Variants in PDZD2 observed in about 807,000 individuals in gnomAD.
PDZD2 encodes the protein PDZ domain-containing protein 2.
PDZD2 carries 90 observed loss-of-function variants against 220.7 expected under a neutral mutation model. That is an observed-to-expected ratio of 0.41 (90% CI 0.34 to 0.49). PDZD2 has a LOEUF of 0.49. PDZD2 is among the 20% of genes least tolerant of loss of function. The pLI is 0.28. For synonymous variants in PDZD2, 1,375 were observed against 1,450.5 expected, an observed-to-expected ratio of 0.95 and a Z score of 1.18; for missense variants, 3,174 against 3,608.5, an observed-to-expected ratio of 0.88 and a Z score of 3.08.
intron 1 of PDZD2, among the ~76,000 whole-genome samples, chr5:31,733,875 G>C (rs1397844708): frequency 6.6e-6 from 1 of 152,170 alleles, no homozygotes; most frequent in Non-Finnish European, 1.5e-5. Context: ...GAATTCTCCA[G>C]TGGGCACCAA....
intron 1 of PDZD2, among the ~76,000 whole-genome samples, chr5:31,690,717 T>C (rs552567814): frequency 6.6e-6 from 1 of 152,304 alleles, no homozygotes; most frequent in South Asian, 2.1e-4. Context: ...TCATTGCATT[T>C]AGGGCCCGCC....
At chr5:32,059,506 C>A in intron 13 of PDZD2, 150 bp downstream of exon 13, 1 of 502,222 alleles carries the variant, frequency 2.0e-6, no homozygotes, top group Non-Finnish European at 3.5e-6. Flanking sequence ...TTAATAGCAT[C>A]TCCAAAAATG....
chr5:31,968,031 G>A (rs1054687701), intron 2 of PDZD2, among the ~76,000 whole-genome samples: 8 of 152,142 alleles, frequency 5.3e-5, no homozygotes, highest in African/African-American at 1.4e-4. Context: ...ACCCGGAATC[G>A]ACATATTGAA....
chr5:32,089,069 CTAA>C lies in PDZD2; in HGVS notation c.5623_5625del (p.Asn1875del), dbSNP rs780179211. The C allele has an allele frequency of 2.5e-6, 4 of 1,613,968 alleles. No individual in the cohort carries two copies. The East Asian group carries it at 8.9e-5, about 36-fold the overall frequency. On this transcript the variant is annotated inframe_deletion, in exon 20 of 25. Transcript: ENST00000438447. Reference sequence around the variant, plus strand: ...AAGAGTCCGGCAGAAATGCTTCTGACTAATGGTCAGAAGGCAAAGTGTGGTCCG... The same window carrying C: ...AAGAGTCCGGCAGAAATGCTTCTGACTGGTCAGAAGGCAAAGTGTGGTCCG...
At chr5:31,782,707 ATTTTTTTTTTT>A (rs34166035) in intron 1 of PDZD2, among the ~76,000 whole-genome samples, 1 of 96,522 alleles carries the variant, frequency 1.0e-5, no homozygotes, top group African/African-American at 4.1e-5. Context: ...ACCACTTTAG[ATTTTTTTTTTT>A]TTTTTTTTTT....
rs899620264 is a variant in PDZD2, at chr5:31,645,393, G to A, written c.-361+5956G>A. On this transcript the variant is annotated intron_variant, in intron 1 of 24. Transcript: ENST00000438447. The stretch of plus-strand genomic sequence containing the variant: ...GCTCTGTCGCCCTGCCTGGAGTGCA[G>A]TGGCGCGATCTTGGCTCACTGCAAC... Among the ~76,000 whole-genome samples the A allele has an allele frequency of 3.0e-4, 45 of 147,920 alleles. 1 individual carries two copies. Among genetic ancestry groups the A allele is most frequent in the Non-Finnish European group, 6.1e-4 (41 of 67,680 alleles).
intron 1 of PDZD2, among the ~76,000 whole-genome samples, chr5:31,787,965 C>T (rs934423438): frequency 5.9e-5 from 9 of 152,280 alleles, no homozygotes; most frequent in East Asian, 5.8e-4. Context: ...TCTAGCCTAG[C>T]GCAGTGCCTG....
At chr5:31,941,571 C>T (rs1746217386) in intron 2 of PDZD2, among the ~76,000 whole-genome samples, 1 of 152,184 alleles carries the variant, frequency 6.6e-6, no homozygotes, top group Non-Finnish European at 1.5e-5. Context: ...TTCAGTTTAT[C>T]CCTCAAGTGA....
chr5:32,090,615 A>G lies in PDZD2; in HGVS notation c.7167A>G (p.Ala2389=), dbSNP rs1376694228. The G allele has an allele frequency of 6.2e-7, 1 of 1,614,118 alleles. No individual in the cohort carries two copies. The highest frequency in any genetic ancestry group is 8.5e-7 in the Non-Finnish European group (1 of 1,180,016). The change falls in exon 20 of 25, where the codon GCA becomes GCG. Residue 2389 remains alanine (A), a synonymous_variant. Transcript: ENST00000438447. This position sits in a 1 kb window ranked among gnomAD's most constrained non-coding sequence, Gnocchi z 4.3. ...GCCTGGGCCACCCAGGTGACGCAGC[A>G]GCAAGGTTGTTGAGACGCAGCTTGA... The part of the protein sequence containing the change: ...SGSLGHPGDA[A]ARLLRRSLSS...
intron 2 of PDZD2, among the ~76,000 whole-genome samples, chr5:31,927,980 G>A (rs570621520): frequency 6.6e-6 from 1 of 152,180 alleles, no homozygotes; most frequent in African/African-American, 2.4e-5. Flanking sequence ...AGAAAACCAG[G>A]CCATTTCAGT....
intron 5 of PDZD2, among the ~76,000 whole-genome samples, chr5:32,010,087 A>AAAAAAAAAAAG (rs1194656366): frequency 1.3e-5 from 2 of 151,882 alleles, no homozygotes; most frequent in African/African-American, 4.8e-5. Flanking sequence ...ACTGTCTCAA[A>AAAAAAAAAAAG]AAAAAGAAAA....
At chr5:31,928,783 C>G (rs568405029) in intron 2 of PDZD2, among the ~76,000 whole-genome samples, 2 of 152,114 alleles carry the variant, frequency 1.3e-5, no homozygotes, top group South Asian at 4.2e-4. Flanking sequence ...AGAAAAGAAC[C>G]CTTGAAAAGA....
At chr5:31,694,899 G>A (rs1747315119) in intron 1 of PDZD2, among the ~76,000 whole-genome samples, 3 of 151,878 alleles carry the variant, frequency 2.0e-5, no homozygotes, top group Non-Finnish European at 4.4e-5. Context: ...CAAGGTGGGC[G>A]GATCAACTGA....
At chr5:31,957,435 A>G (rs1561187486) in intron 2 of PDZD2, among the ~76,000 whole-genome samples, 1 of 152,224 alleles carries the variant, frequency 6.6e-6, no homozygotes, top group Non-Finnish European at 1.5e-5. Context: ...ACATTCATAC[A>G]TGAACGAGTC....
chr5:32,057,607 A>G, intron 10 of PDZD2, 48 bp from the exon 11 acceptor site: 1 of 1,108,948 alleles, frequency 9.0e-7, no homozygotes, highest in Non-Finnish European at 1.4e-6. Flanking sequence ...GTTAAATTCC[A>G]GGAAATTAAA....
chr5:32,049,858 C>T (rs140878046), intron 8 of PDZD2, among the ~76,000 whole-genome samples: 8 of 152,274 alleles, frequency 5.3e-5, no homozygotes, highest in African/African-American at 1.7e-4. Flanking sequence ...CCCAGGACTG[C>T]GACCTGCTCA....
chr5:31,746,616 A>C (rs371697973), intron 1 of PDZD2, among the ~76,000 whole-genome samples: 13 of 152,214 alleles, frequency 8.5e-5, no homozygotes, highest in East Asian at 7.7e-4. Context: ...GGACAACAGG[A>C]GCAAACAAGT....
At chr5:31,735,806 A>G (rs1440073989) in intron 1 of PDZD2, among the ~76,000 whole-genome samples, 1 of 152,088 alleles carries the variant, frequency 6.6e-6, no homozygotes, top group Non-Finnish European at 1.5e-5. Flanking sequence ...TTAGCTGGGC[A>G]CGGTAGCATG....
chr5:32,057,562 A>G (rs1490040051), intron 10 of PDZD2, 93 bp from the exon 11 acceptor site: 6 of 736,974 alleles, frequency 8.1e-6, no homozygotes, highest in Non-Finnish European at 9.6e-6. Context: ...TAAATCAGGG[A>G]CCATATGGTA....
Sources: allele counts gnomAD v4.1 joint callset (sites outside exome capture counted in the v4.1 genomes callset), GRCh38; gene constraint gnomAD v4.1.1; non-coding constraint Gnocchi (gnomAD v3.1); transcripts MANE v1.5; gene names NCBI Gene and HGNC (gene_info 2026-07-23, HGNC 2026-07-21).